ADARB1: variants seen among roughly 807,000 people sequenced by gnomAD.
ADARB1 encodes adenosine deaminase RNA specific B1, also known as double-stranded RNA-specific editase 1.
A neutral mutation model predicts 52.4 loss-of-function variants in ADARB1; 10 were observed. The ratio of observed to expected loss-of-function variants is 0.19; its 90% CI spans 0.12 to 0.32. The LOEUF (loss-of-function observed/expected upper bound fraction) is 0.32. Among genes scored for constraint, ADARB1 ranks in the 10% least tolerant of loss-of-function variants. ADARB1 has a pLI of 1.00. For synonymous variants in ADARB1, 349 were observed against 371.1 expected (o/e 0.94, Z 0.68); for missense variants, 643 against 922.3 (o/e 0.70, Z 3.92).
At chr21:45,144,139 T>C (rs1170229632) in intron 2 of ADARB1, among the ~76,000 whole-genome samples, 2 of 152,236 alleles carry the variant, frequency 1.3e-5, no homozygotes, top group Non-Finnish European at 2.9e-5. Context: ...TTACGTTAAG[T>C]AATGTTACAA....
Position 45,175,286 on chromosome 21 carries a change from A to G in ADARB1, c.29-444A>G, listed in dbSNP as rs1037077753. ...CCCTTAGATAGCATGAGGGTAAACA[A>G]CAGTGAAAGGAAGATGCTAAAATAA... On this transcript the variant is annotated intron_variant, in intron 3 of 10. Coordinates refer to ENST00000348831, the MANE Select transcript of ADARB1 (RefSeq NM_001112.4). Among the ~76,000 whole-genome samples the G allele has an allele frequency of 3.9e-5, 6 of 152,198 alleles. No individual in the cohort carries two copies. In the East Asian group the frequency reaches 7.7e-4, roughly 19 times the overall value.
chr21:45,132,174 A>G (rs1408571671), intron 2 of ADARB1: 1 of 152,246 alleles, frequency 6.6e-6, no homozygotes, highest in East Asian at 1.9e-4. Flanking sequence ...AAGAACGAGA[A>G]GTCTCTGAAT....
chr21:45,077,921 T>C (rs570772366), intron 1 of ADARB1, among the ~76,000 whole-genome samples: 1 of 152,312 alleles, frequency 6.6e-6, no homozygotes, highest in African/African-American at 2.4e-5. Context: ...TTATCTGGGG[T>C]GTGGACAGGG....
In ADARB1 at chr21:45,225,346, A is replaced by G. The variant is rs2093044490; in HGVS notation, c.*3149A>G. ...ACTGCAGTTTTTATTCTGAGTCTTA[A>G]TTTAACTTTTCATCATCTTTTCCTA... On this transcript the variant is annotated 3_prime_UTR_variant, in exon 11 of 11. Coordinates refer to ENST00000348831, the MANE Select transcript of ADARB1 (RefSeq NM_001112.4). 1.6e-6 allele frequency: 2 copies of G among 1,230,932 alleles called. No individual in the cohort carries two copies. Among genetic ancestry groups the G allele is most frequent in the South Asian group, 4.1e-5 (1 of 24,240 alleles). The allele number at this position is 1,230,932 out of a possible 1,614,324, so 76.3% of individuals were successfully genotyped here. A position where few individuals can be genotyped will look rare whatever the true frequency, so the allele number is the denominator to read the frequency against.
At chr21:45,134,355 CGG>C (rs1365279810) in intron 2 of ADARB1, among the ~76,000 whole-genome samples, 2 of 114,932 alleles carry the variant, frequency 1.7e-5, no homozygotes, top group African/African-American at 3.4e-5. Flanking sequence ...GTGCGCCCGA[CGG>C]GGGTGTGTGC....
chr21:45,096,986 A>G (rs2086791700), intron 1 of ADARB1, among the ~76,000 whole-genome samples: 1 of 152,118 alleles, frequency 6.6e-6, no homozygotes, highest in South Asian at 2.1e-4. Context: ...TGATCCACCC[A>G]CCTTGGCCTC....
intron 9 of ADARB1, among the ~76,000 whole-genome samples, chr21:45,214,052 G>A (rs1204146693): frequency 6.6e-6 from 1 of 152,166 alleles, no homozygotes; most frequent in Non-Finnish European, 1.5e-5. Flanking sequence ...ATGCCGGCAC[G>A]CAGTACGAGC....
At chr21:45,109,154 T>C (rs543120695) in intron 1 of ADARB1, among the ~76,000 whole-genome samples, 2 of 151,250 alleles carry the variant, frequency 1.3e-5, no homozygotes, top group African/African-American at 4.8e-5. Flanking sequence ...TGTGCGCGCG[T>C]GTGCGTATAT....
At chr21:45,132,568 G>A (rs976749633) in intron 2 of ADARB1, among the ~76,000 whole-genome samples, 6 of 152,180 alleles carry the variant, frequency 3.9e-5, no homozygotes, top group Non-Finnish European at 7.4e-5. Context: ...CCTTGTGGGG[G>A]CTGGGTGGGC....
intron 2 of ADARB1, among the ~76,000 whole-genome samples, chr21:45,151,558 C>A (rs968831899): frequency 6.6e-6 from 1 of 152,144 alleles, no homozygotes; most frequent in African/African-American, 2.4e-5. Flanking sequence ...TAATCGGACT[C>A]CTTCCAAGAC....
intron 1 of ADARB1, among the ~76,000 whole-genome samples, chr21:45,079,338 C>T (rs759012291): frequency 7.2e-5 from 11 of 152,196 alleles, no homozygotes; most frequent in Non-Finnish European, 1.5e-4. Flanking sequence ...ATAATTCATG[C>T]ACTTTCATAA....
chr21:45,124,575 A>G (rs1320184304), intron 1 of ADARB1, among the ~76,000 whole-genome samples: 2 of 152,040 alleles, frequency 1.3e-5, no homozygotes, highest in South Asian at 2.1e-4. Context: ...ACAAGGTCTC[A>G]CTATGTTGCC....
intron 1 of ADARB1, among the ~76,000 whole-genome samples, chr21:45,081,450 A>AT (rs1182537772): frequency 1.3e-5 from 2 of 152,204 alleles, no homozygotes; most frequent in African/African-American, 4.8e-5. Context: ...TAGGCTTTGT[A>AT]TTAGATGATT....
intron 1 of ADARB1, among the ~76,000 whole-genome samples, chr21:45,112,556 T>C (rs2087591255): frequency 6.6e-6 from 1 of 151,880 alleles, no homozygotes; most frequent in Non-Finnish European, 1.5e-5. Context: ...TCGGCTTCTG[T>C]TCTAAATGCA....
chr21:45,146,059 C>G lies in ADARB1; in HGVS notation c.-48+17486C>G, dbSNP rs554317141. 4.0e-5 allele frequency: 6 copies of G among 148,322 alleles called. No individual in the cohort carries two copies. In the South Asian group the frequency reaches 8.9e-4, roughly 22 times the overall value. 9.2% of individuals were successfully genotyped at this position (148,322 alleles called of 1,614,324 possible). On this transcript the variant is annotated intron_variant, in intron 2 of 10. Coordinates refer to ENST00000348831, the MANE Select transcript of ADARB1 (RefSeq NM_001112.4). ...GTTACGGTTTCGGACTCACCTGATCCGTTCTGCCGGGATTACCTACGGCCA... is the reference window on the plus strand; with the variant it reads ...GTTACGGTTTCGGACTCACCTGATCGGTTCTGCCGGGATTACCTACGGCCA...
At chr21:45,182,051 G>A (rs1228127063) in intron 5 of ADARB1, among the ~76,000 whole-genome samples, 2 of 152,218 alleles carry the variant, frequency 1.3e-5, no homozygotes, top group Admixed American at 1.3e-4. Flanking sequence ...TCTGTCTGTG[G>A]GAGTTCACCA....
At chr21:45,190,781 A>G (rs2092260192) in intron 8 of ADARB1, among the ~76,000 whole-genome samples, 1 of 152,220 alleles carries the variant, frequency 6.6e-6, no homozygotes, top group Admixed American at 6.5e-5. Context: ...AGACTCAGGC[A>G]AGACAGAAAC....
At chr21:45,080,326 A>G (rs564322427) in intron 1 of ADARB1, among the ~76,000 whole-genome samples, 1 of 152,356 alleles carries the variant, frequency 6.6e-6, no homozygotes, top group African/African-American at 2.4e-5. Flanking sequence ...GTAGAGGGAA[A>G]CATTTATAAT....
chr21:45,118,516 G>C (rs746243502), intron 1 of ADARB1: 8 of 152,160 alleles, frequency 5.3e-5, no homozygotes, highest in Admixed American at 4.6e-4. Flanking sequence ...TTCTAGGATC[G>C]TATAATTTTC....
Sources: allele counts gnomAD v4.1 joint callset (sites outside exome capture counted in the v4.1 genomes callset), GRCh38; gene constraint gnomAD v4.1.1; transcripts MANE v1.5; gene names NCBI Gene and HGNC (gene_info 2026-07-23, HGNC 2026-07-21).